The following TNRC6B variants were observed in gnomAD, a reference collection of about 807,000 sequenced individuals.
TNRC6B encodes the protein trinucleotide repeat-containing gene 6B protein.
Under a neutral mutation model 203.6 loss-of-function variants are expected in TNRC6B, and 52 were observed. The observed-to-expected ratio is 0.26, with a 90% CI of 0.20 to 0.32. The LOEUF (loss-of-function observed/expected upper bound fraction) is 0.32. Among genes scored for constraint, TNRC6B ranks in the 10% least tolerant of loss-of-function variants. The pLI is 1.00. For missense variants in TNRC6B, 1,923 were observed against 2,286.2 expected (o/e 0.84, Z 3.24); for synonymous variants, 838 against 845.7 (o/e 0.99, Z 0.16).
At chr22:40,151,876 GAA>G in intron 3 of TNRC6B, among the ~76,000 whole-genome samples, 1 of 19,556 alleles carries the variant, frequency 5.1e-5, no homozygotes, top group Middle Eastern at 0.013. Flanking sequence ...AAGAAAGAAA[GAA>G]AGAAGAAAGA....
chr22:40,166,218 C>G (rs1161365721), intron 4 of TNRC6B, among the ~76,000 whole-genome samples: 1 of 152,078 alleles, frequency 6.6e-6, no homozygotes, highest in Non-Finnish European at 1.5e-5. Flanking sequence ...TGTGGGAATA[C>G]TCTTCAAGAA....
intron 11 of TNRC6B, among the ~76,000 whole-genome samples, chr22:40,283,174 G>T (rs965889869): frequency 2.0e-5 from 3 of 151,946 alleles, no homozygotes; most frequent in Admixed American, 6.6e-5. Context: ...TAGCTGTTGG[G>T]ACCACAGGCT....
At chr22:40,215,010 AAT>A (rs138017) in intron 1 of TNRC6B, among the ~76,000 whole-genome samples, 48,852 of 151,964 alleles carry the variant, frequency 0.32, 9,657 homozygotes, top group East Asian at 0.61. Context: ...TTTTCTGTGC[AAT>A]GATTTGTTTT....
intron 21 of TNRC6B, among the ~76,000 whole-genome samples, chr22:40,318,592 C>T (rs1010234663): frequency 4.0e-5 from 6 of 151,840 alleles, no homozygotes; most frequent in Non-Finnish European, 7.4e-5. Flanking sequence ...ATTTCTTTAG[C>T]AAATAGTTGA....
chr22:40,047,588 A>G (rs937237478), intron 1 of TNRC6B, among the ~76,000 whole-genome samples: 1 of 152,088 alleles, frequency 6.6e-6, no homozygotes, highest in Non-Finnish European at 1.5e-5. Flanking sequence ...GGGCAACAAG[A>G]GCGAAATTCA....
At chr22:40,208,182 A>C (rs1031385046) in intron 1 of TNRC6B, among the ~76,000 whole-genome samples, 4 of 151,854 alleles carry the variant, frequency 2.6e-5, no homozygotes, top group Non-Finnish European at 4.4e-5. Flanking sequence ...GAATAGCAGG[A>C]GCTTTTACTT....
At chr22:40,259,184 A>G (rs1279785969) in intron 3 of TNRC6B, among the ~76,000 whole-genome samples, 1 of 152,108 alleles carries the variant, frequency 6.6e-6, no homozygotes, top group East Asian at 1.9e-4. Flanking sequence ...TTATGTATCC[A>G]TCTGTTGTTA....
At chr22:40,062,198 T>C (rs182033299) in intron 1 of TNRC6B, among the ~76,000 whole-genome samples, 67 of 152,354 alleles carry the variant, frequency 4.4e-4, no homozygotes, top group Admixed American at 2.7e-3. Flanking sequence ...TTTTAAATTT[T>C]ACTTTATTTA....
chr22:40,274,238 A>G (rs565772111), intron 7 of TNRC6B, among the ~76,000 whole-genome samples: 1 of 152,148 alleles, frequency 6.6e-6, no homozygotes, highest in African/African-American at 2.4e-5. Context: ...AAGTCCTTCC[A>G]GTAAATCCCC....
intron 3 of TNRC6B, among the ~76,000 whole-genome samples, chr22:40,130,655 C>T (rs2068533218): frequency 6.7e-6 from 1 of 149,104 alleles, no homozygotes; most frequent in South Asian, 2.1e-4. Flanking sequence ...GGCGAGGTGG[C>T]GGATGCCTGT....
At position 40,265,391 on chromosome 22, in the gene TNRC6B, C is replaced by T. The variant is rs767188842; in HGVS notation, c.1161C>T (p.Asn387=). Residue 387 remains asparagine, a synonymous_variant, in exon 5 of 23, where the codon AAC becomes AAT. Coordinates refer to ENST00000454349, the MANE Select transcript of TNRC6B (RefSeq NM_001162501.2). ...NTNSLNLSSP[N]PMENKGMPFG... ...ACTCCTTGAACTTAAGTTCACCAAACCCCATGGAGAATAAGGGAATGCCCT... is the reference window on the plus strand; with the variant it reads ...ACTCCTTGAACTTAAGTTCACCAAATCCCATGGAGAATAAGGGAATGCCCT... The T allele has an allele frequency of 6.2e-7, 1 of 1,613,994 alleles. No homozygotes were observed. Among genetic ancestry groups the T allele is most frequent in the East Asian group, 2.2e-5 (1 of 44,880 alleles).
chr22:40,248,471 T>G (rs1007989872), intron 2 of TNRC6B, among the ~76,000 whole-genome samples: 1 of 152,378 alleles, frequency 6.6e-6, no homozygotes, highest in East Asian at 1.9e-4. Context: ...TATATATTCC[T>G]CTTCATTTTT....
intron 1 of TNRC6B, among the ~76,000 whole-genome samples, chr22:40,088,652 A>C (rs1310161286): frequency 6.8e-6 from 1 of 146,386 alleles, no homozygotes; most frequent in Non-Finnish European, 1.5e-5. Flanking sequence ...ACGGGGCTTC[A>C]CCATGTTGGT....
chr22:40,310,843 C>T lies in TNRC6B; in HGVS notation c.4285C>T (p.Arg1429Trp), dbSNP rs1401419457. ...CGCTATAGTGGCCCCTGGTAAAACCCGGGGAGGGTCACCGTACAACCAGTT... is the reference window on the plus strand; with the variant it reads ...CGCTATAGTGGCCCCTGGTAAAACCTGGGGAGGGTCACCGTACAACCAGTT... ...NGAIVAPGKTRGGSPYNQFDI... is the reference protein window; with the variant it reads ...NGAIVAPGKTWGGSPYNQFDI... The change falls in exon 17 of 23, where the codon CGG (arginine) becomes TGG (tryptophan). Residue 1429 changes from arginine to tryptophan, a missense_variant. Transcript: ENST00000454349. 4.3e-6 allele frequency: 7 copies of T among 1,612,486 alleles called. 1 individual carries two copies. The highest frequency in any genetic ancestry group is 2.2e-5 in the South Asian group (2 of 90,756).
intron 1 of TNRC6B, among the ~76,000 whole-genome samples, chr22:40,182,693 A>C (rs2069149819): frequency 6.6e-6 from 1 of 152,140 alleles, no homozygotes; most frequent in Non-Finnish European, 1.5e-5. Flanking sequence ...TATATAACTT[A>C]CTGCTTTAGG....
chr22:40,273,826 T>C lies in TNRC6B; in HGVS notation c.3141+226T>C, dbSNP rs185375794. On this transcript the variant is annotated intron_variant, in intron 7 of 22. Coordinates refer to ENST00000454349, the MANE Select transcript of TNRC6B (RefSeq NM_001162501.2). ...TCACCATGCCTGGCTAAATTTTGTATTTTTTAATAGAGACAGGGTTTCGCC... is the reference window on the plus strand; with the variant it reads ...TCACCATGCCTGGCTAAATTTTGTACTTTTTAATAGAGACAGGGTTTCGCC... 3.6e-4 allele frequency among the ~76,000 whole-genome samples: 55 copies of C among 152,202 alleles called. 1 individual carries two copies. In the East Asian group the frequency reaches 9.7e-3, roughly 27 times the overall value.
At chr22:40,227,683 C>T (rs2069810528) in intron 1 of TNRC6B, among the ~76,000 whole-genome samples, 1 of 152,058 alleles carries the variant, frequency 6.6e-6, no homozygotes, top group South Asian at 2.1e-4. Flanking sequence ...TTTCAATTTA[C>T]TGTGATTTTG....
chr22:40,319,938 C>G (rs1218553236), intron 21 of TNRC6B, among the ~76,000 whole-genome samples: 1 of 152,108 alleles, frequency 6.6e-6, no homozygotes, highest in Non-Finnish European at 1.5e-5. Flanking sequence ...ATCTAGAGAG[C>G]ATCTATCCTA....
chr22:40,239,881 A>G (rs2070004194), intron 1 of TNRC6B, among the ~76,000 whole-genome samples: 1 of 151,990 alleles, frequency 6.6e-6, no homozygotes, highest in African/African-American at 2.4e-5. Context: ...TTTGTCTCCC[A>G]GGCTGGAGTG....
Sources: allele counts gnomAD v4.1 joint callset (sites outside exome capture counted in the v4.1 genomes callset), GRCh38; gene constraint gnomAD v4.1.1; transcripts MANE v1.5; gene names NCBI Gene and HGNC (gene_info 2026-07-23, HGNC 2026-07-21).